GBE1: variants seen among roughly 807,000 people sequenced by gnomAD.
GBE1 encodes the protein 1,4-alpha-glucan-branching enzyme.
A neutral mutation model predicts 88.8 loss-of-function variants in GBE1; 70 were observed. The observed-to-expected ratio is 0.79, with a 90% CI of 0.65 to 0.96. The LOEUF (loss-of-function observed/expected upper bound fraction) is 0.96. GBE1 is among the 40% of genes least tolerant of loss of function. GBE1 has a pLI of 0.00. For synonymous variants in GBE1, 284 were observed against 300.1 expected, an observed-to-expected ratio of 0.95 and a Z score of 0.56; for missense variants, 872 against 871.0, an observed-to-expected ratio of 1.00 and a Z score of -0.01.
At chr3:81,740,533 C>T (rs372756125) in intron 1 of GBE1, among the ~76,000 whole-genome samples, 14 of 151,948 alleles carry the variant, frequency 9.2e-5, no homozygotes, top group Non-Finnish European at 1.8e-4. Context: ...AAACGCAGTA[C>T]GGAGAAGAGA....
chr3:81,523,133 T>C (rs1017238451), intron 14 of GBE1, among the ~76,000 whole-genome samples: 5 of 150,894 alleles, frequency 3.3e-5, no homozygotes, highest in Non-Finnish European at 7.4e-5. Context: ...TGCTGACTTA[T>C]GGGGGTCACA....
At chr3:81,600,456 T>A (rs1462798259) in intron 7 of GBE1, among the ~76,000 whole-genome samples, 1 of 152,116 alleles carries the variant, frequency 6.6e-6, no homozygotes, top group Non-Finnish European at 1.5e-5. Context: ...CAGAGATACA[T>A]ACATCTAAAC....
chr3:81,670,422 G>A (rs78545572), intron 3 of GBE1, among the ~76,000 whole-genome samples: 7,210 of 152,110 alleles, frequency 0.047, 484 homozygotes, highest in East Asian at 0.34. Flanking sequence ...AAATGCATGC[G>A]CGTCCAACAC....
intron 1 of GBE1, among the ~76,000 whole-genome samples, chr3:81,751,714 T>C (rs1325633454): frequency 2.0e-5 from 3 of 152,214 alleles, no homozygotes; most frequent in Non-Finnish European, 4.4e-5. Context: ...CACAAGCCTC[T>C]ATTTCTATAA....
At chr3:81,720,298 CAT>C (rs1468004175) in intron 1 of GBE1, among the ~76,000 whole-genome samples, 3 of 151,058 alleles carry the variant, frequency 2.0e-5, no homozygotes, top group Non-Finnish European at 4.4e-5. Flanking sequence ...CATTGTATAA[CAT>C]ATGCATATAC....
chr3:81,521,580 G>T (rs1181235363), intron 14 of GBE1, among the ~76,000 whole-genome samples: 1 of 151,462 alleles, frequency 6.6e-6, no homozygotes, highest in Non-Finnish European at 1.5e-5. Context: ...GACAAAAAAT[G>T]CAAGGGAGAA....
intron 7 of GBE1, among the ~76,000 whole-genome samples, chr3:81,632,611 G>T (rs936305455): frequency 6.6e-6 from 1 of 152,106 alleles, no homozygotes; most frequent in Non-Finnish European, 1.5e-5. Context: ...GTTGGTGGGG[G>T]TGTAAATTAG....
rs1403994937 is a variant in GBE1, at chr3:81,727,491, T to C, written c.144-21878A>G. On this transcript the variant is annotated intron_variant, in intron 1 of 15. Coordinates refer to ENST00000429644, the MANE Select transcript of GBE1 (RefSeq NM_000158.4). ...TTTTAATTTGAATTGTTATAGATTT[T>C]GGAGGCACAAGTGCAGATTCTTACA... Among the ~76,000 whole-genome samples, 4 of 152,328 alleles carry C rather than the reference T, an allele frequency of 2.6e-5. No individual in the cohort carries two copies. The East Asian group carries it at 5.8e-4, about 22-fold the overall frequency.
At chr3:81,567,783 A>C (rs1424543686) in intron 12 of GBE1, among the ~76,000 whole-genome samples, 2 of 152,198 alleles carry the variant, frequency 1.3e-5, no homozygotes, top group Non-Finnish European at 2.9e-5. Flanking sequence ...CAACCTCCTG[A>C]GTAGTATCCC....
intron 6 of GBE1, among the ~76,000 whole-genome samples, chr3:81,645,907 C>A (rs1704756928): frequency 6.6e-6 from 1 of 152,252 alleles, no homozygotes; most frequent in Admixed American, 6.5e-5. Context: ...TAGGTCAGCA[C>A]CTCTTTAATT....
chr3:81,748,191 CA>C (rs1386276656), intron 1 of GBE1, among the ~76,000 whole-genome samples: 2 of 152,192 alleles, frequency 1.3e-5, no homozygotes, highest in African/African-American at 4.8e-5. Context: ...CATGAATAAA[CA>C]TTTCACCAAA....
At chr3:81,721,196 T>A (rs1193600326) in intron 1 of GBE1, among the ~76,000 whole-genome samples, 2 of 71,026 alleles carry the variant, frequency 2.8e-5, no homozygotes, top group African/African-American at 7.3e-5. Context: ...AAACTTAGAG[T>A]ATAATAAAAA....
chr3:81,655,157 G>A (rs1236292930), intron 3 of GBE1, among the ~76,000 whole-genome samples: 1 of 152,146 alleles, frequency 6.6e-6, no homozygotes. Context: ...ATATGTATAT[G>A]TGTATTTCCA....
At chr3:81,626,712 C>T (rs1195857295) in intron 7 of GBE1, among the ~76,000 whole-genome samples, 3 of 147,694 alleles carry the variant, frequency 2.0e-5, no homozygotes, top group African/African-American at 7.7e-5. Flanking sequence ...TCCTTCAAAA[C>T]CCCATAAGCC....
intron 2 of GBE1, among the ~76,000 whole-genome samples, chr3:81,702,098 AGAGAGTGTGTGTGTGTGTGTGTGTGT>A (rs1247146177): frequency 0.017 from 673 of 40,780 alleles, 19 homozygotes; most frequent in African/African-American, 0.068. Context: ...AGAGAGAGAG[AGAGAGTGTGTGTGTGTGTGTGTGTGT>A]GTGTGTGTGT....
At chr3:81,716,450 G>A (rs898445146) in intron 1 of GBE1, among the ~76,000 whole-genome samples, 2 of 152,084 alleles carry the variant, frequency 1.3e-5, no homozygotes, top group African/African-American at 4.8e-5. Context: ...ATGTGAGGGG[G>A]TCAAGGGAGA....
At chr3:81,750,880 ATAT>A (rs1706520548) in intron 1 of GBE1, among the ~76,000 whole-genome samples, 1 of 150,702 alleles carries the variant, frequency 6.6e-6, no homozygotes, top group South Asian at 2.1e-4. Flanking sequence ...AGGTTTCACC[ATAT>A]TGGCCAGGCT....
intron 7 of GBE1, among the ~76,000 whole-genome samples, chr3:81,633,721 G>A (rs982295371): frequency 1.3e-5 from 2 of 152,094 alleles, no homozygotes; most frequent in Non-Finnish European, 2.9e-5. Context: ...ACAAAATAGA[G>A]TATTAAATAC....
At chr3:81,552,368 A>T (rs1332320240) in intron 12 of GBE1, among the ~76,000 whole-genome samples, 1 of 152,116 alleles carries the variant, frequency 6.6e-6, no homozygotes, top group Non-Finnish European at 1.5e-5. Flanking sequence ...AAATACAAAA[A>T]TTAGCTGAGC....
Sources: allele counts gnomAD v4.1 joint callset (sites outside exome capture counted in the v4.1 genomes callset), GRCh38; gene constraint gnomAD v4.1.1; transcripts MANE v1.5; gene names NCBI Gene and HGNC (gene_info 2026-07-23, HGNC 2026-07-21).